ZMIZ1: variants seen among roughly 807,000 people sequenced by gnomAD.
ZMIZ1 encodes the protein zinc finger MIZ domain-containing protein 1.
A neutral mutation model predicts 113.9 loss-of-function variants in ZMIZ1; 17 were observed. The observed-to-expected ratio is 0.15, with a 90% confidence interval of 0.10 to 0.22. ZMIZ1 has a LOEUF of 0.22. ZMIZ1 is among the 10% of genes least tolerant of loss of function. The probability of loss-of-function intolerance (pLI) is 1.00; values close to 1 mark genes in which losing one functional copy is unlikely to be tolerated. For missense variants in ZMIZ1, 1,059 were observed against 1,477.8 expected, an observed-to-expected ratio of 0.72 and a Z score of 4.65; for synonymous variants, 607 against 603.1, an observed-to-expected ratio of 1.01 and a Z score of -0.09.
intron 4 of ZMIZ1, among the ~76,000 whole-genome samples, chr10:79,178,748 A>G (rs1846980103): frequency 1.3e-5 from 2 of 151,984 alleles, no homozygotes; most frequent in South Asian, 4.2e-4. Context: ...AGCCGGAGAG[A>G]GGGCCACTGG....
At chr10:79,239,645 A>T (rs544630151) in intron 7 of ZMIZ1, among the ~76,000 whole-genome samples, 4 of 152,196 alleles carry the variant, frequency 2.6e-5, no homozygotes, top group South Asian at 4.1e-4. Flanking sequence ...TGGCTTTTGT[A>T]TGCTTGTCTT....
chr10:79,177,611 C>A (rs964671642), intron 4 of ZMIZ1, among the ~76,000 whole-genome samples: 2 of 152,248 alleles, frequency 1.3e-5, no homozygotes, highest in South Asian at 4.1e-4. Context: ...GATGTCCTCA[C>A]AGGGCCTGCA....
At chr10:79,174,461 C>T (rs974048712) in intron 4 of ZMIZ1, among the ~76,000 whole-genome samples, 5 of 152,136 alleles carry the variant, frequency 3.3e-5, no homozygotes, top group Admixed American at 6.5e-5. Flanking sequence ...AGTGGGGAGC[C>T]GGTGAGGGTT....
chr10:79,293,314 T>G, intron 11 of ZMIZ1, 67 bp from the exon 12 acceptor site: 1 of 1,502,686 alleles, frequency 6.7e-7, no homozygotes, highest in Middle Eastern at 1.8e-4. Flanking sequence ...TCCCTGCACT[T>G]TCAATGCATG....
At position 79,107,380 on chromosome 10, in the gene ZMIZ1, A is replaced by G. The variant is rs1310456662; in HGVS notation, c.-336-11535A>G. Reference sequence around the variant, plus strand: ...TCTCTGTGCCTCAGTTTCTTCATTGATAAAAGGGGTGTAGACACCACACGG... The same window carrying G: ...TCTCTGTGCCTCAGTTTCTTCATTGGTAAAAGGGGTGTAGACACCACACGG... On this transcript the variant is annotated intron_variant, in intron 1 of 24. Transcript: ENST00000334512. Among the ~76,000 whole-genome samples the G allele has an allele frequency of 9.9e-5, 15 of 152,166 alleles. 1 individual carries two copies. Among genetic ancestry groups the G allele is most frequent in the Admixed American group, 9.8e-4 (15 of 15,278 alleles).
intron 1 of ZMIZ1, among the ~76,000 whole-genome samples, chr10:79,082,720 T>C (rs1472660468): frequency 1.3e-5 from 2 of 152,176 alleles, no homozygotes; most frequent in Non-Finnish European, 2.9e-5. Flanking sequence ...TGAAGGACGA[T>C]GGGGGACAAT....
intron 2 of ZMIZ1, among the ~76,000 whole-genome samples, chr10:79,135,854 G>A (rs371805171): frequency 2.9e-3 from 445 of 152,334 alleles, no homozygotes; most frequent in Middle Eastern, 0.01. Flanking sequence ...CAGTACAGCC[G>A]GCAGTGAGCC....
intron 7 of ZMIZ1, among the ~76,000 whole-genome samples, chr10:79,248,292 A>G (rs2132870650): frequency 6.6e-6 from 1 of 152,276 alleles, no homozygotes; most frequent in East Asian, 1.9e-4. Context: ...GTTGGGTGGG[A>G]GGACTAGTAG....
chr10:79,311,308 G>GC, intron 24 of ZMIZ1, 124 bp downstream of exon 24: 2 of 765,108 alleles, frequency 2.6e-6, no homozygotes, highest in Non-Finnish European at 3.9e-6. Context: ...CGGTGGGAGG[G>GC]CTTCACCCAG....
intron 3 of ZMIZ1, among the ~76,000 whole-genome samples, chr10:79,148,822 C>CCA (rs1845598483): frequency 6.6e-6 from 1 of 152,150 alleles, no homozygotes; most frequent in Non-Finnish European, 1.5e-5. Context: ...GTCTTCCACC[C>CCA]TGCTTGTCTT....
Position 79,311,116 on chromosome 10 carries a change from C to T in ZMIZ1, c.3028C>T (p.Pro1010Ser), listed in dbSNP as rs1213039866. 1.2e-6 allele frequency: 2 copies of T among 1,613,790 alleles called. No homozygotes were observed. The highest frequency in any genetic ancestry group is 4.5e-5 in the East Asian group (2 of 44,876). Residue 1010 changes from proline (P) to serine (S), a missense_variant, in exon 24 of 25, where the codon CCC becomes TCC. By Grantham distance (74) the Pro-to-Ser change is moderately conservative. Coordinates refer to ENST00000334512, the MANE Select transcript of ZMIZ1 (RefSeq NM_020338.4). ...TCCACACAGCGACCTGACCTTTAAC[C>T]CCTCCTCAGCCTTAGAGGGTCAGGC... The part of the protein sequence containing the change: ...SHPHSDLTFN[P>S]SSALEGQAGA...
At chr10:79,228,596 C>T (rs931626883) in intron 7 of ZMIZ1, among the ~76,000 whole-genome samples, 2 of 152,262 alleles carry the variant, frequency 1.3e-5, no homozygotes, top group African/African-American at 4.8e-5. Context: ...CCTCTTGCCC[C>T]TGTGAGCTGC....
chr10:79,204,317 C>T (rs2132665645), intron 5 of ZMIZ1, among the ~76,000 whole-genome samples: 1 of 152,318 alleles, frequency 6.6e-6, no homozygotes, highest in East Asian at 1.9e-4. Context: ...ATCTAAGCTG[C>T]CTTTGCCCCT....
At chr10:79,099,336 T>C (rs1234645045) in intron 1 of ZMIZ1, among the ~76,000 whole-genome samples, 12 of 152,240 alleles carry the variant, frequency 7.9e-5, no homozygotes, top group African/African-American at 2.6e-4. Flanking sequence ...GCAGGGGTGC[T>C]CCTGGCCCTT....
At chr10:79,219,413 T>G (rs1848870117) in intron 7 of ZMIZ1, among the ~76,000 whole-genome samples, 1 of 151,952 alleles carries the variant, frequency 6.6e-6, no homozygotes, top group South Asian at 2.1e-4. Context: ...CTCAGAGAGG[T>G]CCTATGACTT....
At chr10:79,172,943 G>A (rs1389551673) in intron 4 of ZMIZ1, among the ~76,000 whole-genome samples, 1 of 152,244 alleles carries the variant, frequency 6.6e-6, no homozygotes. Context: ...TAATACAGGT[G>A]TTTAAATGGT....
chr10:79,192,717 T>C (rs1228024968), intron 4 of ZMIZ1, among the ~76,000 whole-genome samples: 1 of 152,220 alleles, frequency 6.6e-6, no homozygotes, highest in Non-Finnish European at 1.5e-5. Context: ...AGATGGACTT[T>C]CCTGCTTGAC....
intron 4 of ZMIZ1, among the ~76,000 whole-genome samples, chr10:79,173,928 C>G (rs766721373): frequency 6.6e-6 from 1 of 152,160 alleles, no homozygotes; most frequent in African/African-American, 2.4e-5. Context: ...CCCAAGGGAC[C>G]GAGACCCCTG....
intron 5 of ZMIZ1, among the ~76,000 whole-genome samples, chr10:79,205,352 T>C (rs942794): frequency 0.43 from 65,697 of 152,112 alleles, 14,491 homozygotes; most frequent in Non-Finnish European, 0.49. Context: ...GCAGTGGCCA[T>C]GTTGCTGGCC....
Sources: allele counts gnomAD v4.1 joint callset (sites outside exome capture counted in the v4.1 genomes callset), GRCh38; gene constraint gnomAD v4.1.1; transcripts MANE v1.5; gene names NCBI Gene and HGNC (gene_info 2026-07-23, HGNC 2026-07-21).